GRM7: variants seen among roughly 807,000 people sequenced by gnomAD.
GRM7 encodes glutamate metabotropic receptor 7, also known as metabotropic glutamate receptor 7.
GRM7 carries 35 observed loss-of-function variants against 84.5 expected under a neutral mutation model. The observed-to-expected ratio is 0.41, with a 90% CI of 0.32 to 0.55. The LOEUF is 0.55. Ranked by LOEUF, GRM7 falls within the 20% of genes least tolerant of loss-of-function variation. The pLI is 0.19. For synonymous variants in GRM7, 487 were observed against 455.1 expected (o/e 1.07, Z -0.89); for missense variants, 1,003 against 1,194.6 (o/e 0.84, Z 2.36).
At chr3:7,144,844 G>A (rs577948488) in intron 1 of GRM7, among the ~76,000 whole-genome samples, 26 of 152,260 alleles carry the variant, frequency 1.7e-4, no homozygotes, top group Non-Finnish European at 2.9e-4. Context: ...GACCCATCAG[G>A]AGACATGCAG....
intron 7 of GRM7, among the ~76,000 whole-genome samples, chr3:7,462,427 A>G (rs1374414750): frequency 6.6e-6 from 1 of 152,238 alleles, no homozygotes; most frequent in Non-Finnish European, 1.5e-5. Flanking sequence ...AGACACACCT[A>G]GAATATTCGA....
At chr3:7,622,078 G>A (rs535195423) in intron 8 of GRM7, among the ~76,000 whole-genome samples, 6 of 152,238 alleles carry the variant, frequency 3.9e-5, no homozygotes, top group Middle Eastern at 3.4e-3. Context: ...TTCAGATGGC[G>A]GAGCTGAGAC....
chr3:7,187,562 C>G (rs1695562188), intron 2 of GRM7, among the ~76,000 whole-genome samples: 1 of 152,196 alleles, frequency 6.6e-6, no homozygotes, highest in Non-Finnish European at 1.5e-5. Context: ...AACAGTGTTA[C>G]AGGTCTGATG....
intron 1 of GRM7, among the ~76,000 whole-genome samples, chr3:7,023,142 T>G (rs990323173): frequency 2.0e-5 from 3 of 152,120 alleles, no homozygotes; most frequent in African/African-American, 7.2e-5. Context: ...TGTCATCTCT[T>G]GGAGTTGCCC....
At chr3:7,344,745 A>G (rs1477135336) in intron 4 of GRM7, among the ~76,000 whole-genome samples, 1 of 152,178 alleles carries the variant, frequency 6.6e-6, no homozygotes, top group African/African-American at 2.4e-5. Flanking sequence ...AGGGAGTAGA[A>G]TAGTGGATAC....
intron 2 of GRM7, among the ~76,000 whole-genome samples, chr3:7,156,145 G>A (rs767991308): frequency 6.6e-6 from 1 of 152,110 alleles, no homozygotes; most frequent in East Asian, 1.9e-4. Context: ...CAGACAGAAG[G>A]TGCTCATAGG....
chr3:7,303,630 T>A (rs1053432405), intron 3 of GRM7, among the ~76,000 whole-genome samples: 16 of 152,084 alleles, frequency 1.1e-4, no homozygotes, highest in African/African-American at 3.6e-4. Context: ...TTGTTGTTTT[T>A]TGGAGTTAAT....
chr3:7,655,041 A>G (rs796928382), intron 8 of GRM7, among the ~76,000 whole-genome samples: 3 of 152,120 alleles, frequency 2.0e-5, no homozygotes, highest in African/African-American at 7.2e-5. Flanking sequence ...CTGTGAACAG[A>G]CCCATTTTAA....
chr3:6,872,141 C>T (rs1259040513), intron 1 of GRM7, among the ~76,000 whole-genome samples: 1 of 152,110 alleles, frequency 6.6e-6, no homozygotes, highest in Admixed American at 6.5e-5. Flanking sequence ...GTTTGTATGC[C>T]TACTGGGACC....
At chr3:7,511,204 C>T (rs746460207) in intron 7 of GRM7, among the ~76,000 whole-genome samples, 1 of 152,140 alleles carries the variant, frequency 6.6e-6, no homozygotes, top group Non-Finnish European at 1.5e-5. Flanking sequence ...AGTTTACATG[C>T]CTGGCCCTCG....
At chr3:7,350,973 A>C (rs1191330484) in intron 4 of GRM7, among the ~76,000 whole-genome samples, 1 of 152,082 alleles carries the variant, frequency 6.6e-6, no homozygotes, top group Non-Finnish European at 1.5e-5. Context: ...ATCTCCTTTC[A>C]TCATTGAAAC....
intron 4 of GRM7, among the ~76,000 whole-genome samples, chr3:7,330,260 T>A (rs1367920695): frequency 6.6e-6 from 1 of 152,156 alleles, no homozygotes; most frequent in Non-Finnish European, 1.5e-5. Context: ...CTTGACGTTT[T>A]CAGTGATTCT....
At position 6,904,144 on chromosome 3, in the gene GRM7, A is replaced by C. The variant is rs1009571785; in HGVS notation, c.519+42237A>C. Among the ~76,000 whole-genome samples, 6 of 152,280 alleles carry C rather than the reference A, an allele frequency of 3.9e-5. 1 individual carries two copies. The highest frequency in any genetic ancestry group is 3.9e-4 in the Admixed American group (6 of 15,278). Reference sequence around the variant, plus strand: ...AGCCAAATTCATCCATTTTGCTTATACAATATATGCTTTTATTTGTTTTTT... The same window carrying C: ...AGCCAAATTCATCCATTTTGCTTATCCAATATATGCTTTTATTTGTTTTTT... On this transcript the variant is annotated intron_variant, in intron 1 of 9. Coordinates refer to ENST00000357716, the MANE Select transcript of GRM7 (RefSeq NM_000844.4).
At chr3:7,083,158 G>A (rs1420704224) in intron 1 of GRM7, among the ~76,000 whole-genome samples, 2 of 152,038 alleles carry the variant, frequency 1.3e-5, no homozygotes, top group African/African-American at 4.8e-5. Flanking sequence ...TTTTGTGAAA[G>A]GAAGACTTCA....
At chr3:7,096,168 C>A (rs904084946) in intron 1 of GRM7, among the ~76,000 whole-genome samples, 3 of 152,082 alleles carry the variant, frequency 2.0e-5, no homozygotes, top group African/African-American at 7.2e-5. Flanking sequence ...CTCCTTAAAG[C>A]CTTACCCTGT....
At chr3:7,444,298 T>C (rs1697414627) in intron 5 of GRM7, among the ~76,000 whole-genome samples, 1 of 152,146 alleles carries the variant, frequency 6.6e-6, no homozygotes, top group African/African-American at 2.4e-5. Context: ...TTAAGTCTGT[T>C]CTAGAAAGAA....
At chr3:7,083,351 C>T in intron 1 of GRM7, among the ~76,000 whole-genome samples, 1 of 152,146 alleles carries the variant, frequency 6.6e-6, no homozygotes, top group East Asian at 1.9e-4. Context: ...TTAAGGGATG[C>T]ATATTTTTTA....
rs549976215 is a variant in GRM7, at chr3:7,605,652, C to A, written c.2451+26295C>A. On this transcript the variant is annotated intron_variant, in intron 8 of 9. Coordinates refer to ENST00000357716, the MANE Select transcript of GRM7 (RefSeq NM_000844.4). ...CCGTTTTATAAAACTCCATAGGTAA[C>A]ATTGATGTGCATCCCCAGTTGAAAT... 1.2e-3 allele frequency among the ~76,000 whole-genome samples: 180 copies of A among 152,184 alleles called. 1 individual carries two copies. Among genetic ancestry groups the A allele is most frequent in the African/African-American group, 4.0e-3 (165 of 41,532 alleles).
At chr3:7,200,691 C>T (rs1437816196) in intron 2 of GRM7, among the ~76,000 whole-genome samples, 2 of 152,128 alleles carry the variant, frequency 1.3e-5, no homozygotes, top group African/African-American at 4.8e-5. Context: ...CCAATAAGTT[C>T]CCCAGTGATA....
Sources: allele counts gnomAD v4.1 joint callset (sites outside exome capture counted in the v4.1 genomes callset), GRCh38; gene constraint gnomAD v4.1.1; transcripts MANE v1.5; gene names NCBI Gene and HGNC (gene_info 2026-07-23, HGNC 2026-07-21).